The following ABCD3 variants were observed in gnomAD, a reference collection of about 807,000 sequenced individuals.
ABCD3 encodes ATP-binding cassette sub-family D member 3.
Under a neutral mutation model 105.5 loss-of-function variants are expected in ABCD3, and 41 were observed. The observed-to-expected ratio is 0.39, with a 90% CI of 0.30 to 0.50. The LOEUF is 0.50. Among genes scored for constraint, ABCD3 ranks in the 20% least tolerant of loss-of-function variants. The pLI, the probability that ABCD3 is intolerant of heterozygous loss-of-function variation, is 0.84. For synonymous variants in ABCD3, 258 were observed against 269.0 expected (o/e 0.96, Z 0.40); for missense variants, 622 against 806.3 (o/e 0.77, Z 2.77).
At chr1:94,458,199 T>G (rs1001548988) in intron 1 of ABCD3, among the ~76,000 whole-genome samples, 41 of 152,284 alleles carry the variant, frequency 2.7e-4, no homozygotes, top group African/African-American at 9.6e-4. Context: ...GGGGAAAGAT[T>G]CCCAGCAGTA....
intron 20 of ABCD3, among the ~76,000 whole-genome samples, chr1:94,500,638 T>G (rs1190103147): frequency 6.6e-6 from 1 of 152,108 alleles, no homozygotes; most frequent in African/African-American, 2.4e-5. Context: ...CAAAAGAAAT[T>G]GGCTTATGGC....
chr1:94,393,098 T>C, the ABCD3 span, among the ~76,000 whole-genome samples: 2 of 151,012 alleles, frequency 1.3e-5, no homozygotes. Flanking sequence ...AGATCGAGAC[T>C]CCATCTCAAA....
At chr1:94,445,949 G>A (rs192084778) in intron 1 of ABCD3, among the ~76,000 whole-genome samples, 25 of 152,246 alleles carry the variant, frequency 1.6e-4, no homozygotes, top group African/African-American at 5.5e-4. Flanking sequence ...AGGCTACTCT[G>A]CTAGCCCAAG....
In ABCD3 at chr1:94,488,432, C is replaced by T. The variant is rs534602906; in HGVS notation, c.1157+449C>T. On this transcript the variant is annotated intron_variant, in intron 13 of 22. Transcript: ENST00000370214. ...TGAGATGTTATCTTGTATCTGTAGG[C>T]GTGCTTGTGAATGTAGTCATATTAT... Among the ~76,000 whole-genome samples, 354 of 151,454 alleles carry T rather than the reference C, an allele frequency of 2.3e-3. 2 individuals are homozygous for T. The highest frequency in any genetic ancestry group is 8.0e-3 in the African/African-American group (332 of 41,312).
intron 1 of ABCD3, among the ~76,000 whole-genome samples, chr1:94,454,409 A>G (rs964879945): frequency 6.6e-6 from 1 of 152,138 alleles, no homozygotes; most frequent in Admixed American, 6.6e-5. Flanking sequence ...TGGGGTGGAA[A>G]GGTGAGTTCA....
intron 1 of ABCD3, among the ~76,000 whole-genome samples, chr1:94,429,205 G>C (rs1659582780): frequency 6.6e-6 from 1 of 152,182 alleles, no homozygotes; most frequent in African/African-American, 2.4e-5. Flanking sequence ...AAATTTCTAA[G>C]CAGCAAAGAA....
At chr1:94,462,096 G>T (rs565148515) in intron 2 of ABCD3, among the ~76,000 whole-genome samples, 1 of 152,024 alleles carries the variant, frequency 6.6e-6, no homozygotes, top group South Asian at 2.1e-4. Context: ...TTTTTCCTTT[G>T]TTGCATTATT....
chr1:94,434,069 G>T (rs1293341820), intron 1 of ABCD3, among the ~76,000 whole-genome samples: 1 of 152,164 alleles, frequency 6.6e-6, no homozygotes, highest in Non-Finnish European at 1.5e-5. Context: ...AAGTTGCTGT[G>T]GGTGAATCAT....
the ABCD3 span, among the ~76,000 whole-genome samples, chr1:94,395,890 A>G: frequency 6.6e-6 from 1 of 151,960 alleles, no homozygotes; most frequent in South Asian, 2.1e-4. Flanking sequence ...AGAAAGAGAG[A>G]GACACACACA....
chr1:94,444,707 T>C (rs896178796), intron 1 of ABCD3, among the ~76,000 whole-genome samples: 1 of 152,190 alleles, frequency 6.6e-6, no homozygotes, highest in African/African-American at 2.4e-5. Context: ...GTTTCAGCGA[T>C]TATCTTTTAC....
chr1:94,456,744 A>G (rs1326995530), intron 1 of ABCD3, among the ~76,000 whole-genome samples: 2 of 151,948 alleles, frequency 1.3e-5, no homozygotes, highest in Non-Finnish European at 2.9e-5. Flanking sequence ...TACTGATTTC[A>G]TTTCCTTAGG....
At chr1:94,424,886 T>G (rs1006454235) in intron 1 of ABCD3, among the ~76,000 whole-genome samples, 1 of 152,258 alleles carries the variant, frequency 6.6e-6, no homozygotes, top group Non-Finnish European at 1.5e-5. Flanking sequence ...AGAATTTTTG[T>G]CTATTTTATT....
In ABCD3 at chr1:94,498,805, G is replaced by C; in HGVS notation, c.1487G>C (p.Arg496Pro). ...LGELWPLFGG[R>P]LTKPERGKLF... ...TAGTTATGGCCTCTTTTTGGAGGAC[G>C]TCTAACTAAACCTGAAAGAGGAAAA... Residue 496 changes from arginine to proline, a missense_variant, in exon 18 of 23, where the codon CGT (arginine) becomes CCT (proline). By Grantham distance (103) the Arg-to-Pro change is moderately radical (BLOSUM62 -2). Around this residue, in one of 4 missense-constraint regions of ABCD3, gnomAD observed 285 missense variants for 352.5 expected, o/e 0.81. Transcript: ENST00000370214. 6.2e-7 allele frequency: 1 copy of C among 1,613,670 alleles called. No individual in the cohort carries two copies. Among genetic ancestry groups the C allele is most frequent in the Non-Finnish European group, 8.5e-7 (1 of 1,179,834 alleles).
intron 22 of ABCD3, among the ~76,000 whole-genome samples, chr1:94,516,080 G>C (rs1650907807): frequency 6.6e-6 from 1 of 151,884 alleles, no homozygotes; most frequent in Non-Finnish European, 1.5e-5. Context: ...ATTAATTACA[G>C]TTTTTACCTT....
chr1:94,443,565 A>G (rs1454456125), intron 1 of ABCD3, among the ~76,000 whole-genome samples: 3 of 152,158 alleles, frequency 2.0e-5, no homozygotes, highest in Non-Finnish European at 4.4e-5. Context: ...CTCTTGTTTT[A>G]TAAACAAGTT....
At chr1:94,387,901 T>G in the ABCD3 span, among the ~76,000 whole-genome samples, 1 of 152,274 alleles carries the variant, frequency 6.6e-6, no homozygotes, top group African/African-American at 2.4e-5. Flanking sequence ...CTCTTTCTGC[T>G]TGAAATACCC....
the ABCD3 span, among the ~76,000 whole-genome samples, chr1:94,396,626 CGTGT>C: frequency 1.3e-5 from 2 of 151,708 alleles, no homozygotes; most frequent in African/African-American, 4.8e-5. Context: ...CGCGCACGTG[CGTGT>C]GTGTTTATAG....
chr1:94,449,088 T>C (rs1278932297), intron 1 of ABCD3, among the ~76,000 whole-genome samples: 1 of 152,116 alleles, frequency 6.6e-6, no homozygotes, highest in Non-Finnish European at 1.5e-5. Flanking sequence ...AAATAATAAC[T>C]TGGGGTAGAG....
chr1:94,460,728 T>G (rs1276880272), intron 2 of ABCD3, among the ~76,000 whole-genome samples: 1 of 152,118 alleles, frequency 6.6e-6, no homozygotes, highest in African/African-American at 2.4e-5. Flanking sequence ...TCTCTGAATA[T>G]CCTGGTGATT....
Sources: allele counts gnomAD v4.1 joint callset (sites outside exome capture counted in the v4.1 genomes callset), GRCh38; gene constraint gnomAD v4.1.1; regional missense constraint gnomAD v4.1.1; transcripts MANE v1.5; gene names NCBI Gene and HGNC (gene_info 2026-07-23, HGNC 2026-07-21).